Variants in SMG7 observed in about 807,000 individuals in gnomAD.
SMG7 encodes the protein nonsense-mediated mRNA decay factor SMG7.
SMG7 carries 34 observed loss-of-function variants against 148.2 expected under a neutral mutation model. That is an observed-to-expected ratio of 0.23 (90% CI 0.17 to 0.31). SMG7 has a LOEUF of 0.31. Among genes scored for constraint, SMG7 ranks in the 10% least tolerant of loss-of-function variants. The probability of loss-of-function intolerance (pLI) is 1.00; values close to 1 mark genes in which losing one functional copy is unlikely to be tolerated. For missense variants in SMG7, 1,114 were observed against 1,408.4 expected (o/e 0.79, Z 3.35); for synonymous variants, 492 against 515.1 (o/e 0.96, Z 0.61).
At chr1:183,488,274 G>GTAT (rs1383214469) in intron 1 of SMG7, among the ~76,000 whole-genome samples, 4 of 152,144 alleles carry the variant, frequency 2.6e-5, no homozygotes, top group African/African-American at 9.7e-5. Context: ...AGTTAAAGTG[G>GTAT]TATTGATGTA....
chr1:183,488,471 T>C (rs1656058300), intron 1 of SMG7, among the ~76,000 whole-genome samples: 1 of 152,220 alleles, frequency 6.6e-6, no homozygotes, highest in Admixed American at 6.5e-5. Flanking sequence ...GGTATTGATA[T>C]ATAACTGTGC....
chr1:183,473,623 T>C (rs1349328602), intron 1 of SMG7: 10 of 477,436 alleles, frequency 2.1e-5, no homozygotes, highest in Non-Finnish European at 2.7e-5. Context: ...AAAATCTTGA[T>C]AGAGAAAAGT....
intron 10 of SMG7, among the ~76,000 whole-genome samples, chr1:183,536,040 A>G (rs759769777): frequency 6.6e-6 from 1 of 152,148 alleles, no homozygotes; most frequent in Non-Finnish European, 1.5e-5. Context: ...CCAAATAGTT[A>G]ACTTACAATT....
intron 20 of SMG7, among the ~76,000 whole-genome samples, chr1:183,550,479 A>G (rs1355317419): frequency 6.6e-6 from 1 of 152,252 alleles, no homozygotes; most frequent in East Asian, 1.9e-4. Flanking sequence ...TATCTGAAAT[A>G]GCCGTGTGAG....
intron 14 of SMG7, 42 bp downstream of exon 14, chr1:183,542,544 A>C: frequency 2.8e-5 from 42 of 1,519,322 alleles, no homozygotes; most frequent in Non-Finnish European, 3.4e-5. Flanking sequence ...AGGAAGGCTC[A>C]CACAAAAGGC....
intron 1 of SMG7, among the ~76,000 whole-genome samples, chr1:183,480,264 G>A (rs150243652): frequency 8.4e-4 from 128 of 152,058 alleles, no homozygotes; most frequent in Middle Eastern, 3.4e-3. Context: ...TCCTTTAAAA[G>A]GCCTTCCTGA....
At chr1:183,509,463 C>G (rs992812171) in intron 1 of SMG7, among the ~76,000 whole-genome samples, 1 of 152,058 alleles carries the variant, frequency 6.6e-6, no homozygotes, top group Admixed American at 6.6e-5. Context: ...TACCTGACTG[C>G]TTTGTGACTG....
chr1:183,548,104 A>G (rs1670254963), intron 18 of SMG7, among the ~76,000 whole-genome samples: 1 of 152,204 alleles, frequency 6.6e-6, no homozygotes, highest in African/African-American at 2.4e-5. Flanking sequence ...AAGTACATTA[A>G]TTTTAGTGTC....
chr1:183,514,429 T>C (rs1662997999), intron 2 of SMG7, among the ~76,000 whole-genome samples: 1 of 152,202 alleles, frequency 6.6e-6, no homozygotes, highest in Non-Finnish European at 1.5e-5. Context: ...CTCAGTTCTT[T>C]CCATTATTAA....
intron 1 of SMG7, among the ~76,000 whole-genome samples, chr1:183,483,066 C>T (rs1654564326): frequency 6.6e-6 from 1 of 152,170 alleles, no homozygotes; most frequent in Admixed American, 6.5e-5. Flanking sequence ...GTTTTGTTCT[C>T]ACAGTTCTTG....
At chr1:183,543,522 G>A (rs563477101) in intron 14 of SMG7, among the ~76,000 whole-genome samples, 27 of 151,960 alleles carry the variant, frequency 1.8e-4, no homozygotes, top group Non-Finnish European at 3.2e-4. Flanking sequence ...CAAAGGATCC[G>A]AGTTTTAGAG....
At chr1:183,496,961 T>TC (rs1430239843) in intron 1 of SMG7, among the ~76,000 whole-genome samples, 1 of 152,216 alleles carries the variant, frequency 6.6e-6, no homozygotes, top group Non-Finnish European at 1.5e-5. Flanking sequence ...AGCCCTTAAA[T>TC]ATTGGAGTTT....
intron 1 of SMG7, among the ~76,000 whole-genome samples, chr1:183,492,304 T>A (rs912425299): frequency 6.6e-6 from 1 of 152,242 alleles, no homozygotes; most frequent in Non-Finnish European, 1.5e-5. Flanking sequence ...TAAATTACTT[T>A]GATACCTTTG....
intron 1 of SMG7, among the ~76,000 whole-genome samples, chr1:183,506,932 G>A (rs1446032566): frequency 7.0e-6 from 1 of 141,914 alleles, no homozygotes. Context: ...AGGCTGGAGT[G>A]CAGTGGTGTG....
chr1:183,538,501 GA>G, intron 12 of SMG7, 61 bp downstream of exon 12: 1 of 1,170,308 alleles, frequency 8.5e-7, no homozygotes, highest in Non-Finnish European at 1.3e-6. Context: ...AATTAGCAGA[GA>G]ATTGGGCTTG....
At chr1:183,503,067 A>T (rs1288395547) in intron 1 of SMG7, among the ~76,000 whole-genome samples, 1 of 152,204 alleles carries the variant, frequency 6.6e-6, no homozygotes, top group Non-Finnish European at 1.5e-5. Context: ...ACTAGATTGC[A>T]AGGGTGGAAC....
At chr1:183,515,853 G>A in intron 2 of SMG7, 21 bp from the exon 3 acceptor site, 1 of 1,494,478 alleles carries the variant, frequency 6.7e-7, no homozygotes, top group Non-Finnish European at 9.3e-7. Context: ...CTACCGTTAT[G>A]TTTTTGTTTT....
chr1:183,499,403 G>A (rs748831861), intron 1 of SMG7, among the ~76,000 whole-genome samples: 2 of 152,134 alleles, frequency 1.3e-5, no homozygotes, highest in African/African-American at 2.4e-5. Flanking sequence ...ATTCTCATTC[G>A]CATTTGGTTT....
intron 18 of SMG7, chr1:183,548,897 A>G (rs1241431390): frequency 9.1e-6 from 3 of 329,970 alleles, no homozygotes; most frequent in South Asian, 1.1e-4. Flanking sequence ...AAGTGCAACT[A>G]TTGACAAGGG....
Sources: gnomAD v4.1 joint callset for allele counts (sites outside exome capture counted in the v4.1 genomes callset) on GRCh38, gnomAD v4.1.1 for gene constraint, MANE v1.5 for transcripts, NCBI Gene and HGNC (gene_info 2026-07-23, HGNC 2026-07-21) for gene names.